Variants in RORA observed in about 807,000 individuals in gnomAD.
RORA encodes RAR related orphan receptor A, also known as nuclear receptor ROR-alpha.
RORA carries 7 observed loss-of-function variants against 69.5 expected under a neutral mutation model. The ratio of observed to expected loss-of-function variants is 0.10; its 90% CI spans 0.06 to 0.19. The LOEUF (loss-of-function observed/expected upper bound fraction) is 0.19. Ranked by LOEUF, RORA falls within the 10% of genes least tolerant of loss-of-function variation. The pLI is 1.00. For synonymous variants in RORA, 261 were observed against 240.8 expected, an observed-to-expected ratio of 1.08 and a Z score of -0.78; for missense variants, 457 against 663.0, an observed-to-expected ratio of 0.69 and a Z score of 3.41.
intron 3 of RORA, chr15:60,528,360 C>T (rs571990158): frequency 1.3e-5 from 2 of 152,376 alleles, no homozygotes; most frequent in South Asian, 2.1e-4. Flanking sequence ...CCACTGTGCC[C>T]AGCCTATATG....
At chr15:60,643,248 G>A (rs2069977079) in intron 2 of RORA, among the ~76,000 whole-genome samples, 1 of 152,088 alleles carries the variant, frequency 6.6e-6, no homozygotes, top group Admixed American at 6.5e-5. Context: ...AATATTCTTT[G>A]GTTTGCATCA....
chr15:61,215,031 A>ATTTTTTTTTTTT (rs61132940), intron 1 of RORA, among the ~76,000 whole-genome samples: 1 of 80,626 alleles, frequency 1.2e-5, no homozygotes, highest in African/African-American at 5.0e-5. Context: ...CGCCCAGCTA[A>ATTTTTTTTTTTT]TTTTTTTTTT....
intron 1 of RORA, among the ~76,000 whole-genome samples, chr15:61,174,969 G>T (rs562804527): frequency 1.3e-5 from 2 of 152,120 alleles, no homozygotes; most frequent in African/African-American, 2.4e-5. Context: ...ACCCAAATCT[G>T]CTTGACTGCA....
At chr15:61,152,669 C>A (rs1163352525) in intron 1 of RORA, among the ~76,000 whole-genome samples, 1 of 152,100 alleles carries the variant, frequency 6.6e-6, no homozygotes, top group African/African-American at 2.4e-5. Context: ...ATAGAGCTCA[C>A]ATTTATATAA....
intron 1 of RORA, among the ~76,000 whole-genome samples, chr15:60,996,907 TA>T (rs796945985): frequency 1.1e-3 from 153 of 142,194 alleles, no homozygotes; most frequent in Middle Eastern, 3.6e-3. Flanking sequence ...GACTACGTCT[TA>T]AAAAAAAAAA....
intron 1 of RORA, among the ~76,000 whole-genome samples, chr15:61,221,768 T>C (rs1252793519): frequency 6.6e-6 from 1 of 152,130 alleles, no homozygotes; most frequent in Non-Finnish European, 1.5e-5. Context: ...GATCCTATAC[T>C]AAGTGGCACC....
chr15:60,814,280 T>C (rs1280170674), intron 1 of RORA, among the ~76,000 whole-genome samples: 1 of 152,170 alleles, frequency 6.6e-6, no homozygotes, highest in Non-Finnish European at 1.5e-5. Context: ...CCAGCGTTCT[T>C]CAAGGCGTTC....
At position 60,537,158 on chromosome 15, in the gene RORA, C is replaced by A. The variant is rs960660816; in HGVS notation, c.197-5307G>T. 6.6e-6 allele frequency among the ~76,000 whole-genome samples: 1 copy of A among 152,144 alleles called. No individual in the cohort carries two copies. Among genetic ancestry groups the A allele is most frequent in the Non-Finnish European group, 1.5e-5 (1 of 68,036 alleles). On this transcript the variant is annotated intron_variant, in intron 2 of 10. Transcript: ENST00000335670. The surrounding 1 kb of genome is among the most constrained non-coding windows in gnomAD (Gnocchi z 4.9). Reference sequence around the variant, plus strand: ...GCCTGGCTTGCGTGTCAAGGTTAGCCGGGGGAGAGCTGCAGAGTCTTCACC... The same window carrying A: ...GCCTGGCTTGCGTGTCAAGGTTAGCAGGGGGAGAGCTGCAGAGTCTTCACC...
chr15:61,138,495 A>G (rs377297214), intron 1 of RORA, among the ~76,000 whole-genome samples: 1 of 152,148 alleles, frequency 6.6e-6, no homozygotes, highest in South Asian at 2.1e-4. Context: ...TCCAGTTGCA[A>G]TGTTTGCCTG....
intron 1 of RORA, among the ~76,000 whole-genome samples, chr15:61,187,452 C>G (rs1029708246): frequency 1.3e-5 from 2 of 152,074 alleles, no homozygotes; most frequent in African/African-American, 4.8e-5. Context: ...GGAGGAAGAG[C>G]CTCCAGGGGG....
intron 1 of RORA, among the ~76,000 whole-genome samples, chr15:61,090,402 G>A (rs1303254095): frequency 1.3e-5 from 2 of 152,046 alleles, no homozygotes; most frequent in African/African-American, 2.4e-5. Flanking sequence ...CTGTCATTTG[G>A]GGGCTCTAAA....
At chr15:60,625,339 C>T (rs896627600) in intron 2 of RORA, among the ~76,000 whole-genome samples, 3 of 152,126 alleles carry the variant, frequency 2.0e-5, no homozygotes, top group Admixed American at 2.0e-4. Flanking sequence ...GGGCAACAGG[C>T]ACTCACATAC....
intron 1 of RORA, among the ~76,000 whole-genome samples, chr15:60,884,331 GA>G (rs2073727710): frequency 9.5e-6 from 1 of 105,738 alleles, no homozygotes; most frequent in Non-Finnish European, 2.4e-5. Context: ...ATCCTTTGTA[GA>G]ATTTTTTTTT....
rs76709469 is a variant in RORA, at chr15:60,695,117, A to G, written c.167-16431T>C. Among the ~76,000 whole-genome samples, 162 of 148,440 alleles carry G rather than the reference A, an allele frequency of 1.1e-3. 5 individuals are homozygous for G. In the East Asian group the frequency reaches 0.027, roughly 24 times the overall value. On this transcript the variant is annotated intron_variant, in intron 1 of 10. Coordinates refer to ENST00000335670, the MANE Select transcript of RORA (RefSeq NM_134261.3). ...CTGTGCCCATGGTGCTTAGGAGGAA[A>G]GGCCTATGTATGTATTCTAGTACCA...
chr15:60,559,840 C>A (rs1595974493), intron 2 of RORA, among the ~76,000 whole-genome samples: 1 of 152,136 alleles, frequency 6.6e-6, no homozygotes, highest in African/African-American at 2.4e-5. Flanking sequence ...TTTACCTAAG[C>A]GAGGCCAGTT....
At chr15:61,008,625 G>A (rs979965335) in intron 1 of RORA, among the ~76,000 whole-genome samples, 8 of 152,008 alleles carry the variant, frequency 5.3e-5, no homozygotes, top group African/African-American at 1.9e-4. Flanking sequence ...TTCCAAGAAT[G>A]GAAGAAATCC....
chr15:60,621,023 CTG>C (rs1386734677), intron 2 of RORA, among the ~76,000 whole-genome samples: 7 of 152,216 alleles, frequency 4.6e-5, no homozygotes, highest in African/African-American at 1.4e-4. Flanking sequence ...CTGCGCATAA[CTG>C]TATTCTTTCA....
At chr15:60,919,301 G>A (rs1006699162) in intron 1 of RORA, among the ~76,000 whole-genome samples, 38 of 152,192 alleles carry the variant, frequency 2.5e-4, no homozygotes, top group African/African-American at 8.7e-4. Context: ...AGAACTGCAG[G>A]AGACCCCTCG....
intron 1 of RORA, among the ~76,000 whole-genome samples, chr15:61,127,398 G>A (rs1159465803): frequency 6.6e-6 from 1 of 152,164 alleles, no homozygotes; most frequent in Non-Finnish European, 1.5e-5. Context: ...TCTGTGTGAG[G>A]TTAGGAAACG....
Sources: gnomAD v4.1 joint callset for allele counts (sites outside exome capture counted in the v4.1 genomes callset) on GRCh38, gnomAD v4.1.1 for gene constraint, Gnocchi (gnomAD v3.1) non-coding constraint, MANE v1.5 for transcripts, NCBI Gene and HGNC (gene_info 2026-07-23, HGNC 2026-07-21) for gene names.